Variants in LARP4 observed in about 807,000 individuals in gnomAD.
LARP4 encodes the protein la-related protein 4.
A neutral mutation model predicts 92.9 loss-of-function variants in LARP4; 29 were observed. The observed-to-expected ratio is 0.31, with a 90% confidence interval of 0.23 to 0.43. LARP4 has a LOEUF of 0.43. Ranked by LOEUF, LARP4 falls within the 20% of genes least tolerant of loss-of-function variation. The pLI, the probability that LARP4 is intolerant of heterozygous loss-of-function variation, is 1.00. For synonymous variants in LARP4, 279 were observed against 284.1 expected (o/e 0.98, Z 0.18); for missense variants, 732 against 860.0 (o/e 0.85, Z 1.86).
At chr12:50,468,450 C>T (rs1227406839) in intron 13 of LARP4, among the ~76,000 whole-genome samples, 5 of 151,722 alleles carry the variant, frequency 3.3e-5, no homozygotes, top group South Asian at 4.2e-4. Flanking sequence ...CCTGCCACTA[C>T]GCCCGGCTAA....
intron 10 of LARP4, among the ~76,000 whole-genome samples, chr12:50,459,302 G>A (rs1954897643): frequency 6.6e-6 from 1 of 151,794 alleles, no homozygotes; most frequent in Non-Finnish European, 1.5e-5. Flanking sequence ...CCCGGCTGAG[G>A]CTAGGATTTT....
At chr12:50,441,306 G>C (rs1951171505) in intron 7 of LARP4, 5 of 246,692 alleles carry the variant, frequency 2.0e-5, no homozygotes, top group Non-Finnish European at 3.9e-5. Flanking sequence ...CAATTTATTA[G>C]AAAGTTGATC....
chr12:50,414,384 ACCT>A (rs1946417177), intron 1 of LARP4, among the ~76,000 whole-genome samples: 1 of 151,796 alleles, frequency 6.6e-6, no homozygotes, highest in Non-Finnish European at 1.5e-5. Context: ...GCTTACTGCA[ACCT>A]CCTCCTCCCA....
At position 50,474,576 on chromosome 12, in the gene LARP4, T is replaced by C. The variant is rs1366409665; in HGVS notation, c.1836+409T>C. 3.3e-5 allele frequency among the ~76,000 whole-genome samples: 5 copies of C among 152,244 alleles called. No homozygotes were observed. In the East Asian group the frequency reaches 9.6e-4, roughly 29 times the overall value. ...GTTAGCCAGGATGGTCTCAATCTCC[T>C]GACCTCGTGATCCACCCGCCTCGGC... On this transcript the variant is annotated intron_variant, in intron 15 of 15. Transcript: ENST00000398473.
chr12:50,445,264 A>G (rs992201915), intron 8 of LARP4, among the ~76,000 whole-genome samples: 3 of 152,092 alleles, frequency 2.0e-5, no homozygotes. Flanking sequence ...ATTATTTTCC[A>G]TTCTTTTAAG....
intron 1 of LARP4, chr12:50,412,384 C>T: frequency 1.1e-6 from 1 of 947,314 alleles, no homozygotes; most frequent in South Asian, 4.9e-5. Flanking sequence ...TCAATTTATA[C>T]ATTTTATTTC....
intron 5 of LARP4, among the ~76,000 whole-genome samples, chr12:50,437,014 A>G (rs1419219020): frequency 6.6e-6 from 1 of 152,212 alleles, no homozygotes; most frequent in Non-Finnish European, 1.5e-5. Flanking sequence ...AAAAGTTGGC[A>G]AAGAGAGGCA....
At chr12:50,409,115 G>A (rs1945380982) in intron 1 of LARP4, among the ~76,000 whole-genome samples, 1 of 152,036 alleles carries the variant, frequency 6.6e-6, no homozygotes, top group South Asian at 2.1e-4. Context: ...GGAGGGCAGT[G>A]ACTGAGTAAA....
At chr12:50,435,038 ACT>A (rs1378273658) in intron 4 of LARP4, among the ~76,000 whole-genome samples, 5 of 152,134 alleles carry the variant, frequency 3.3e-5, no homozygotes, top group African/African-American at 7.2e-5. Flanking sequence ...ACAGAGCAAG[ACT>A]CTGTCTCAGG....
At chr12:50,450,515 A>G (rs755810896) in intron 8 of LARP4, among the ~76,000 whole-genome samples, 1 of 152,088 alleles carries the variant, frequency 6.6e-6, no homozygotes, top group Non-Finnish European at 1.5e-5. Context: ...TTCAGGCTGT[A>G]TGGTTTTCCT....
chr12:50,437,683 A>G (rs1485279000), intron 5 of LARP4, 52 bp from the exon 6 acceptor site: 1 of 1,021,316 alleles, frequency 9.8e-7, no homozygotes. Flanking sequence ...AATGGCATTA[A>G]TAATATCACT....
chr12:50,413,222 CA>C (rs59345865), intron 1 of LARP4, among the ~76,000 whole-genome samples: 97,893 of 138,956 alleles, frequency 0.7, 38,998 homozygotes, highest in Non-Finnish European at 0.92. Flanking sequence ...GACTGTGTCT[CA>C]AAAAAAAAAA....
intron 4 of LARP4, among the ~76,000 whole-genome samples, chr12:50,433,963 T>G (rs1477507664): frequency 6.6e-6 from 1 of 152,154 alleles, no homozygotes; most frequent in Non-Finnish European, 1.5e-5. Flanking sequence ...AATGTAAAAG[T>G]AAGGGCCTTT....
chr12:50,405,823 A>G (rs1013315132), intron 1 of LARP4, among the ~76,000 whole-genome samples: 1 of 152,214 alleles, frequency 6.6e-6, no homozygotes, highest in Non-Finnish European at 1.5e-5. Context: ...AAAACCTTGG[A>G]TGCTCAAGTC....
chr12:50,472,721 A>G (rs192517927), intron 13 of LARP4, among the ~76,000 whole-genome samples: 359 of 152,182 alleles, frequency 2.4e-3, no homozygotes, highest in African/African-American at 8.0e-3. Flanking sequence ...TATGTTGTCC[A>G]AGGCTGGTCT....
At chr12:50,456,326 A>G (rs1954233774) in intron 10 of LARP4, among the ~76,000 whole-genome samples, 1 of 152,160 alleles carries the variant, frequency 6.6e-6, no homozygotes, top group African/African-American at 2.4e-5. Context: ...GTTCTTTTCC[A>G]TATATTTGAC....
chr12:50,403,263 G>A (rs1234318285), intron 1 of LARP4, among the ~76,000 whole-genome samples: 3 of 152,188 alleles, frequency 2.0e-5, no homozygotes, highest in Non-Finnish European at 4.4e-5. Flanking sequence ...CTTGGTTGAG[G>A]AAAAAAATTT....
intron 1 of LARP4, among the ~76,000 whole-genome samples, chr12:50,406,137 C>T (rs1302738457): frequency 6.6e-6 from 1 of 152,106 alleles, no homozygotes. Flanking sequence ...AGTTAAGTTT[C>T]ATACGACCTA....
chr12:50,458,803 T>C (rs185549918), intron 10 of LARP4, among the ~76,000 whole-genome samples: 390 of 152,312 alleles, frequency 2.6e-3, no homozygotes, highest in Non-Finnish European at 3.4e-3. Flanking sequence ...GGAAGTTGGG[T>C]GCTTATACCC....
Sources: allele counts gnomAD v4.1 joint callset (sites outside exome capture counted in the v4.1 genomes callset), GRCh38; gene constraint gnomAD v4.1.1; transcripts MANE v1.5; gene names NCBI Gene and HGNC (gene_info 2026-07-23, HGNC 2026-07-21).